Variants in INSL6 observed in about 807,000 individuals in gnomAD.
The protein encoded by INSL6 is insulin like 6.
In INSL6, 16 loss-of-function variants were observed where a neutral mutation model predicts 9.4. That is an observed-to-expected ratio of 1.70 (90% CI 1.15 to 2.59). INSL6 has a LOEUF of 2.59. INSL6 is among the 30% of genes most tolerant of loss of function. INSL6 has a pLI of 0.00. For synonymous variants in INSL6, 154 were observed against 96.9 expected, an observed-to-expected ratio of 1.59 and a Z score of -3.46; for missense variants, 391 against 257.3, an observed-to-expected ratio of 1.52 and a Z score of -3.56.
At chr9:5,155,477 T>A (rs1043483062) in intron 2 of INSL6, among the ~76,000 whole-genome samples, 66 of 131,950 alleles carry the variant, frequency 5.0e-4, no homozygotes, top group East Asian at 2.4e-3. Context: ...AAGTATAATT[T>A]AAAAAAAAAA....
the INSL6 span, among the ~76,000 whole-genome samples, chr9:5,031,659 A>G: frequency 2.0e-5 from 3 of 152,248 alleles, no homozygotes; most frequent in Non-Finnish European, 4.4e-5. Context: ...AGTCCTTGGG[A>G]AAATACCATT....
the INSL6 span, among the ~76,000 whole-genome samples, chr9:5,075,496 T>C: frequency 6.6e-6 from 1 of 152,196 alleles, no homozygotes; most frequent in South Asian, 2.1e-4. Flanking sequence ...CTGCGAATTA[T>C]GCTAAGTCTA....
chr9:5,054,454 A>C, the INSL6 span: 11 of 822,620 alleles, frequency 1.3e-5, no homozygotes, highest in South Asian at 1.8e-5. This position sits in a 1 kb window ranked among gnomAD's most constrained non-coding sequence, Gnocchi z 4.9. Flanking sequence ...ACTGTGTTGT[A>C]AGGCCTACTT....
the INSL6 span, among the ~76,000 whole-genome samples, chr9:5,032,206 C>T: frequency 3.4e-3 from 513 of 152,296 alleles, 2 homozygotes; most frequent in African/African-American, 0.012. Context: ...GGGGGAGGGG[C>T]GCCCGCCATT....
chr9:5,076,937 T>C, the INSL6 span, among the ~76,000 whole-genome samples: 1 of 141,392 alleles, frequency 7.1e-6, no homozygotes, highest in Non-Finnish European at 1.6e-5. Flanking sequence ...ATGTTTTATA[T>C]ATTTTTTTAA....
the INSL6 span, chr9:5,110,368 T>C: frequency 0.046 from 6,953 of 152,304 alleles, 229 homozygotes; most frequent in Non-Finnish European, 0.068. Flanking sequence ...TAAAAAATCA[T>C]AGCATTCTCC....
At chr9:5,133,361 T>G (rs902605656) in intron 3 of INSL6, 1 of 152,064 alleles carries the variant, frequency 6.6e-6, no homozygotes, top group African/African-American at 2.4e-5. Context: ...CTAAGAGTAC[T>G]AGATCTTTAA....
the INSL6 span, among the ~76,000 whole-genome samples, chr9:5,092,777 G>C: frequency 6.6e-6 from 1 of 152,186 alleles, no homozygotes; most frequent in Non-Finnish European, 1.5e-5. Context: ...ATGAGTAGTG[G>C]TGATAAGCCT....
At chr9:4,996,941 T>C in the INSL6 span, among the ~76,000 whole-genome samples, 152 of 147,052 alleles carry the variant, frequency 1.0e-3, no homozygotes, top group South Asian at 2.2e-3. Context: ...TTTTTTTTTT[T>C]TTTTTTTTGA....
chr9:5,005,083 ATTTTTTTTTTTTTTTTTTTTTTTTTTTT>A, the INSL6 span, among the ~76,000 whole-genome samples: 57 of 40,034 alleles, frequency 1.4e-3, 1 homozygote, highest in South Asian at 4.1e-3. Context: ...TGCCTGGCTA[ATTTTTTTTTTTTTTTTTTTTTTTTTTTT>A]TTTTTTTTTT....
the INSL6 span, among the ~76,000 whole-genome samples, chr9:5,032,377 G>C: frequency 3.3e-5 from 5 of 152,234 alleles, no homozygotes; most frequent in African/African-American, 1.2e-4. Context: ...AAATGTCCCT[G>C]TCTGACAGCT....
At chr9:5,007,043 G>A in the INSL6 span, among the ~76,000 whole-genome samples, 3 of 151,908 alleles carry the variant, frequency 2.0e-5, no homozygotes, top group Non-Finnish European at 4.4e-5. Context: ...AGTCTTTCTA[G>A]TGTTTTATCA....
At chr9:5,084,973 C>A in the INSL6 span, 94 of 763,504 alleles carry the variant, frequency 1.2e-4, no homozygotes, top group East Asian at 2.0e-4. Context: ...GAGATAGCTG[C>A]CAGAAAGAAC....
the INSL6 span, chr9:5,041,316 G>A: frequency 2.6e-6 from 2 of 773,474 alleles, no homozygotes; most frequent in African/African-American, 1.7e-5. Context: ...CACATCCCGT[G>A]CAGCCAGCAC....
At chr9:5,154,815 T>C (rs1424908617) in intron 2 of INSL6, among the ~76,000 whole-genome samples, 1 of 152,046 alleles carries the variant, frequency 6.6e-6, no homozygotes, top group Non-Finnish European at 1.5e-5. Context: ...CATTCAAAAG[T>C]CAGGAAACAA....
At chr9:5,042,540 C>T in the INSL6 span, among the ~76,000 whole-genome samples, 1 of 152,206 alleles carries the variant, frequency 6.6e-6, no homozygotes, top group Non-Finnish European at 1.5e-5. Flanking sequence ...CCCCTCCACC[C>T]CCACCCCTCC....
chr9:5,160,041 T>C (rs1824892705), downstream of INSL6, among the ~76,000 whole-genome samples: 1 of 151,682 alleles, frequency 6.6e-6, no homozygotes, highest in Non-Finnish European at 1.5e-5. Context: ...CCAGGTGTGG[T>C]TGTGGGTGCC....
At chr9:5,112,791 T>C in the INSL6 span, 2 of 555,354 alleles carry the variant, frequency 3.6e-6, no homozygotes, top group Admixed American at 7.7e-5. Context: ...CCCCAGATGG[T>C]GCTTTCAGCT....
the INSL6 span, among the ~76,000 whole-genome samples, chr9:5,083,325 A>T: frequency 7.9e-5 from 12 of 152,210 alleles, no homozygotes; most frequent in African/African-American, 2.9e-4. Flanking sequence ...AGACCAGGGA[A>T]TGCTCAGTTC....
Sources: allele counts gnomAD v4.1 joint callset (sites outside exome capture counted in the v4.1 genomes callset), GRCh38; gene constraint gnomAD v4.1.1; non-coding constraint Gnocchi (gnomAD v3.1); transcripts MANE v1.5; gene names NCBI Gene and HGNC (gene_info 2026-07-23, HGNC 2026-07-21).